The following CCDC171 variants were observed in gnomAD, a reference collection of about 807,000 sequenced individuals.
CCDC171 encodes the protein coiled-coil domain containing 171, also known as coiled-coil domain-containing protein 171.
CCDC171 carries 177 observed loss-of-function variants against 168.2 expected under a neutral mutation model. The ratio of observed to expected loss-of-function variants is 1.05; its 90% CI spans 0.93 to 1.19. The LOEUF (loss-of-function observed/expected upper bound fraction) is 1.19, where lower values mean the gene tolerates loss of function less well. Among genes scored for constraint, CCDC171 ranks in the 50% most tolerant of loss-of-function variants. CCDC171 has a pLI of 0.00. For missense variants in CCDC171, 1,991 were observed against 1,539.0 expected (o/e 1.29, Z -4.91); for synonymous variants, 687 against 540.8 (o/e 1.27, Z -3.75).
intron 6 of CCDC171, among the ~76,000 whole-genome samples, chr9:15,609,190 C>A (rs1156897293): frequency 1.3e-5 from 2 of 151,686 alleles, no homozygotes; most frequent in Non-Finnish European, 2.9e-5. Flanking sequence ...ACCTCCGCCT[C>A]CCGGGTTCAA....
rs958933644 is a variant in CCDC171 at position 15,693,930 on chromosome 9, A to C, written c.1216-1305A>C. 2.0e-5 allele frequency among the ~76,000 whole-genome samples: 3 copies of C among 152,102 alleles called. No homozygotes were observed. In the East Asian group the frequency reaches 5.8e-4, roughly 29 times the overall value. ...TTTACTCATCTCTCACTCAAGAAAA[A>C]AAATTCAGGCTTACTCCTTCTTTAA... On this transcript the variant is annotated intron_variant, in intron 10 of 25. Transcript: ENST00000380701.
chr9:15,639,333 TAAGA>T (rs1204176710), intron 7 of CCDC171, among the ~76,000 whole-genome samples: 2 of 152,096 alleles, frequency 1.3e-5, no homozygotes, highest in African/African-American at 4.8e-5. Flanking sequence ...TAATAAATTT[TAAGA>T]TTGGAACTTC....
intron 1 of CCDC171, among the ~76,000 whole-genome samples, chr9:16,056,152 T>C (rs1178745309): frequency 2.0e-5 from 3 of 152,250 alleles, no homozygotes; most frequent in Non-Finnish European, 2.9e-5. Flanking sequence ...AAATTATTAA[T>C]AGTGGTTTTC....
Position 15,594,059 on chromosome 9 carries a change from C to G in CCDC171, c.562C>G (p.Gln188Glu). 5.7e-6 allele frequency: 9 copies of G among 1,589,418 alleles called. No individual in the cohort carries two copies. The highest frequency in any genetic ancestry group is 7.7e-6 in the Non-Finnish European group (9 of 1,166,958). Residue 188 changes from glutamine to glutamate, a missense_variant, in exon 6 of 26, where the codon CAA (glutamine) becomes GAA (glutamate). By Grantham distance (29) the Gln-to-Glu change is conservative. Transcript: ENST00000380701. The stretch of plus-strand genomic sequence containing the variant: ...TATAAAGGAAGCGTTGGAAAAACAT[C>G]AACGGGAGAAGAATGAGATGGAGTC... Reference protein sequence around the residue: ...KTLQEALEKHQREKNEMESHI... With the variant: ...KTLQEALEKHEREKNEMESHI...
intron 21 of CCDC171, among the ~76,000 whole-genome samples, chr9:15,846,091 C>A (rs373566177): frequency 1.3e-5 from 2 of 151,976 alleles, no homozygotes; most frequent in African/African-American, 2.4e-5. Flanking sequence ...ACATGTTGAT[C>A]CTATTTGTGT....
rs2044675668 is a variant in CCDC171, at chr9:15,623,431, T to C, written c.822+18T>C. 2 of 1,549,138 alleles carry C rather than the reference T, an allele frequency of 1.3e-6. No homozygotes were observed. The highest frequency in any genetic ancestry group is 1.8e-6 in the Non-Finnish European group (2 of 1,142,642). ...AATTTGAGGTACATTTTCTCATTCC[T>C]TTATAATATATATGCGTACAAACTT... On this transcript the variant is annotated intron_variant, in intron 7 of 25. Transcript: ENST00000380701.
At chr9:15,640,557 A>G (rs556222047) in intron 7 of CCDC171, among the ~76,000 whole-genome samples, 1 of 152,150 alleles carries the variant, frequency 6.6e-6, no homozygotes, top group Admixed American at 6.5e-5. Context: ...AACTCTAGGC[A>G]TAATCTCCTC....
intron 24 of CCDC171, among the ~76,000 whole-genome samples, chr9:15,903,031 G>A (rs1487446894): frequency 2.6e-5 from 4 of 152,184 alleles, no homozygotes; most frequent in South Asian, 4.1e-4. Flanking sequence ...CAAAGCAGCC[G>A]GGAAGCTCGA....
At chr9:16,017,193 A>T (rs1328867920) in intron 3 of CCDC171, among the ~76,000 whole-genome samples, 1 of 152,216 alleles carries the variant, frequency 6.6e-6, no homozygotes, top group Non-Finnish European at 1.5e-5. Context: ...ATAAATAAAA[A>T]TGCTGTCTAT....
intron 6 of CCDC171, among the ~76,000 whole-genome samples, chr9:15,606,964 T>G (rs2131761414): frequency 6.6e-6 from 1 of 152,352 alleles, no homozygotes; most frequent in East Asian, 1.9e-4. Flanking sequence ...GAAAATATGT[T>G]CTGTAACAAA....
intron 8 of CCDC171, among the ~76,000 whole-genome samples, chr9:15,665,735 C>G (rs971031671): frequency 2.0e-5 from 3 of 152,208 alleles, no homozygotes; most frequent in African/African-American, 7.2e-5. Context: ...GAGCTATGAT[C>G]ACACTACTGC....
At chr9:16,018,103 G>C (rs1045617872) in intron 3 of CCDC171, among the ~76,000 whole-genome samples, 3 of 152,184 alleles carry the variant, frequency 2.0e-5, no homozygotes, top group Admixed American at 6.5e-5. Flanking sequence ...AGTGCAGGAA[G>C]ACCCCTGAGA....
intron 25 of CCDC171, among the ~76,000 whole-genome samples, chr9:15,957,670 A>G (rs184244122): frequency 6.6e-6 from 1 of 152,348 alleles, no homozygotes; most frequent in East Asian, 1.9e-4. Flanking sequence ...AATTTAGCTT[A>G]TAACAGAATC....
intron 21 of CCDC171, among the ~76,000 whole-genome samples, chr9:15,828,155 CG>C (rs2060091539): frequency 6.6e-6 from 1 of 151,876 alleles, no homozygotes; most frequent in Non-Finnish European, 1.5e-5. Flanking sequence ...TTCAGCTTTT[CG>C]TTTTGTTTTA....
intron 14 of CCDC171, 71 bp downstream of exon 14, chr9:15,725,047 A>T: frequency 1.8e-6 from 2 of 1,114,096 alleles, no homozygotes; most frequent in Non-Finnish European, 2.7e-6. Flanking sequence ...TCAAGTGACT[A>T]TTTTTACTTG....
At chr9:15,794,478 C>G (rs1336654076) in intron 21 of CCDC171, among the ~76,000 whole-genome samples, 2 of 151,242 alleles carry the variant, frequency 1.3e-5, no homozygotes, top group Non-Finnish European at 2.9e-5. Flanking sequence ...CCCACCCCCC[C>G]ACCAAAAAAA....
chr9:16,008,208 G>C (rs907940292), intron 3 of CCDC171, among the ~76,000 whole-genome samples: 1 of 152,046 alleles, frequency 6.6e-6, no homozygotes, highest in Non-Finnish European at 1.5e-5. Context: ...TACAGTTTCA[G>C]CTCTTACATT....
At chr9:15,758,235 C>T (rs2056245021) in intron 18 of CCDC171, among the ~76,000 whole-genome samples, 3 of 152,176 alleles carry the variant, frequency 2.0e-5, no homozygotes, top group Admixed American at 6.5e-5. Context: ...GGTGGAGCTG[C>T]CCAAGACCAT....
chr9:15,866,546 G>A (rs1239081972), intron 23 of CCDC171, among the ~76,000 whole-genome samples: 1 of 151,972 alleles, frequency 6.6e-6, no homozygotes, highest in Non-Finnish European at 1.5e-5. Flanking sequence ...TTTTTATTAA[G>A]TAGGGAGAAA....
Sources: gnomAD v4.1 joint callset for allele counts (sites outside exome capture counted in the v4.1 genomes callset) on GRCh38, gnomAD v4.1.1 for gene constraint, MANE v1.5 for transcripts, NCBI Gene and HGNC (gene_info 2026-07-23, HGNC 2026-07-21) for gene names.